Variants in HERC2 observed in about 807,000 individuals in gnomAD.
HERC2 encodes E3 ubiquitin-protein ligase HERC2.
A neutral mutation model predicts 537.7 loss-of-function variants in HERC2; 102 were observed. That is an observed-to-expected ratio of 0.19 (90% CI 0.16 to 0.22). The LOEUF (loss-of-function observed/expected upper bound fraction) is 0.22. Ranked by LOEUF, HERC2 falls within the 10% of genes least tolerant of loss-of-function variation. The pLI is 1.00. For missense variants in HERC2, 4,236 were observed against 6,198.2 expected, an observed-to-expected ratio of 0.68 and a Z score of 10.63; for synonymous variants, 2,224 against 2,466.2, an observed-to-expected ratio of 0.90 and a Z score of 2.91.
At position 28,268,730 on chromosome 15, in the gene HERC2, G is replaced by A; in HGVS notation, c.1447-114C>T. On this transcript the variant is annotated intron_variant, in intron 11 of 92. Coordinates refer to ENST00000261609, the MANE Select transcript of HERC2 (RefSeq NM_004667.6). The surrounding 1 kb of genome is among the most constrained non-coding windows in gnomAD (Gnocchi z 4.7). ...AAAGCCTGCTGTAACTCCAAGTGGG[G>A]CATAAGTCTCTGGGAACTACGGGGC... 1 of 873,730 alleles carries A rather than the reference G, an allele frequency of 1.1e-6. No individual in the cohort carries two copies. Among genetic ancestry groups the A allele is most frequent in the South Asian group, 1.7e-5 (1 of 59,768 alleles). 54.1% of individuals were successfully genotyped at this position (873,730 alleles called of 1,614,324 possible).
At chr15:28,310,466 TA>T (rs1270781697) in intron 2 of HERC2, among the ~76,000 whole-genome samples, 11 of 151,836 alleles carry the variant, frequency 7.2e-5, no homozygotes, top group Non-Finnish European at 1.2e-4. Context: ...AATTTAAATT[TA>T]AAAAATTAAA....
chr15:28,307,281 C>A (rs2076816298), intron 2 of HERC2, among the ~76,000 whole-genome samples: 1 of 152,230 alleles, frequency 6.6e-6, no homozygotes, highest in Non-Finnish European at 1.5e-5. Flanking sequence ...TCTTAGCCTG[C>A]CTGAAGGCTT....
intron 4 of HERC2, among the ~76,000 whole-genome samples, chr15:28,286,749 C>T (rs1259610409): frequency 2.6e-5 from 4 of 152,104 alleles, no homozygotes; most frequent in Admixed American, 6.5e-5. Context: ...GAGTTTACTC[C>T]CCTAAAAGAT....
intron 70 of HERC2, among the ~76,000 whole-genome samples, chr15:28,146,832 C>G (rs1466375172): frequency 1.4e-5 from 2 of 138,986 alleles, no homozygotes; most frequent in Non-Finnish European, 3.1e-5. Context: ...AGCAGAGGCA[C>G]AAGAGTTTTC....
chr15:28,184,602 C>T (rs1372973128), intron 56 of HERC2, among the ~76,000 whole-genome samples: 5 of 152,086 alleles, frequency 3.3e-5, no homozygotes, highest in Non-Finnish European at 5.9e-5. Flanking sequence ...TGGCTCACGC[C>T]TATAATCCCA....
At chr15:28,208,823 T>A (rs1898780689) in intron 44 of HERC2, among the ~76,000 whole-genome samples, 1 of 152,222 alleles carries the variant, frequency 6.6e-6, no homozygotes, top group South Asian at 2.1e-4. Flanking sequence ...CAGATGCCTG[T>A]GGAACCACTC....
Position 28,321,390 on chromosome 15 carries a change from T to C in HERC2, c.44A>G (p.Asp15Gly). Residue 15 changes from aspartate to glycine, a missense_variant, in exon 2 of 93, where the codon GAC (aspartate) becomes GGC (glycine). This residue lies in a region of HERC2 where 13 missense variants were observed against 43.1 expected (regional missense o/e 0.30). Coordinates refer to ENST00000261609, the MANE Select transcript of HERC2 (RefSeq NM_004667.6). ...SFCLAAQARL[D>G]SKWLKTDIQL... ...TATATCTGTTTTCAACCATTTGGAG[T>C]CGAGGCGAGCCTGGGCAGCCAAACA... 2.1e-6 allele frequency: 2 copies of C among 935,544 alleles called. No homozygotes were observed. The highest frequency in any genetic ancestry group is 3.4e-6 in the Non-Finnish European group (2 of 580,258). 58.0% of individuals were successfully genotyped at this position (935,544 alleles called of 1,614,324 possible).
In HERC2 at chr15:28,228,309, G is replaced by C; in HGVS notation, c.5373C>G (p.Ser1791Arg). 6.2e-7 allele frequency: 1 copy of C among 1,612,774 alleles called. No homozygotes were observed. The highest frequency in any genetic ancestry group is 2.2e-5 in the East Asian group (1 of 44,886). ...TTGCGCCGTGCTGCAGGGTGAGCAT[G>C]CTGAGCATCACCAGGAGGAAGCGGG... ...PQARFLLVML[S>R]MLTLQHGANN... is the part of the protein sequence containing the mutation. Residue 1791 changes from serine (S) to arginine (R), a missense_variant, in exon 35 of 93, where the codon AGC (serine) becomes AGG (arginine). Around this residue, in one of 27 missense-constraint regions of HERC2, gnomAD observed 343 missense variants for 417.2 expected, o/e 0.82. Coordinates refer to ENST00000261609, the MANE Select transcript of HERC2 (RefSeq NM_004667.6).
At chr15:28,208,950 C>T (rs1898797719) in intron 44 of HERC2, among the ~76,000 whole-genome samples, 4 of 152,186 alleles carry the variant, frequency 2.6e-5, no homozygotes, top group South Asian at 2.1e-4. Context: ...CCCGAAAAGA[C>T]TTAGCATAAT....
chr15:28,145,332 C>T (rs1052209870), intron 71 of HERC2, among the ~76,000 whole-genome samples: 1 of 152,214 alleles, frequency 6.6e-6, no homozygotes, highest in Non-Finnish European at 1.5e-5. Flanking sequence ...TGTACTACAC[C>T]TAAGATCTAC....
intron 68 of HERC2, among the ~76,000 whole-genome samples, chr15:28,166,525 C>T (rs954457734): frequency 6.6e-6 from 1 of 152,156 alleles, no homozygotes; most frequent in Non-Finnish European, 1.5e-5. Flanking sequence ...ATCTCGGTTT[C>T]CAAATCCTAC....
At chr15:28,140,933 CAAAATA>C (rs1335599172) in intron 78 of HERC2, among the ~76,000 whole-genome samples, 4 of 151,330 alleles carry the variant, frequency 2.6e-5, no homozygotes, top group Non-Finnish European at 5.9e-5. Context: ...GACGTATTTT[CAAAATA>C]AAAATAAAAA....
intron 92 of HERC2, 95 bp from the exon 93 acceptor site, chr15:28,112,130 T>G (rs867736842): frequency 2.4e-6 from 3 of 1,263,596 alleles, no homozygotes; most frequent in Middle Eastern, 2.3e-4. Flanking sequence ...AAAACCATAT[T>G]TTTTGCTAAG....
intron 70 of HERC2, among the ~76,000 whole-genome samples, chr15:28,146,595 G>A (rs1477363603): frequency 6.6e-6 from 1 of 151,862 alleles, no homozygotes; most frequent in Non-Finnish European, 1.5e-5. Context: ...CTCCCGGGCA[G>A]ACTTTCCTAC....
At chr15:28,180,434 A>G (rs991847257) in intron 57 of HERC2, among the ~76,000 whole-genome samples, 4 of 152,256 alleles carry the variant, frequency 2.6e-5, no homozygotes, top group Non-Finnish European at 5.9e-5. Flanking sequence ...GTATGGTTAC[A>G]TTAACCAAAG....
chr15:28,271,851 C>T (rs1324867902), intron 9 of HERC2, among the ~76,000 whole-genome samples: 1 of 152,200 alleles, frequency 6.6e-6, no homozygotes, highest in Non-Finnish European at 1.5e-5. Flanking sequence ...GTTGTCCACA[C>T]CTGTTAAGGC....
intron 3 of HERC2, among the ~76,000 whole-genome samples, chr15:28,294,938 T>C (rs1346616641): frequency 6.6e-6 from 1 of 151,944 alleles, no homozygotes; most frequent in African/African-American, 2.4e-5. Flanking sequence ...TTTTACTGGT[T>C]CCATGATACA....
chr15:28,184,626 C>G lies in HERC2; in HGVS notation c.8825+1951G>C, dbSNP rs542432881. Among the ~76,000 whole-genome samples, 3 of 152,142 alleles carry G rather than the reference C, an allele frequency of 2.0e-5. No individual in the cohort carries two copies. In the South Asian group the frequency reaches 6.2e-4, roughly 32 times the overall value. On this transcript the variant is annotated intron_variant, in intron 56 of 92. Coordinates refer to ENST00000261609, the MANE Select transcript of HERC2 (RefSeq NM_004667.6). ...CCTATAATCCCAGCACTTTGGGAGG[C>G]TGAGGCAGGCGGATTACGAGGTCAG...
chr15:28,125,197 A>C lies in HERC2; in HGVS notation c.12803-4T>G, dbSNP rs1354951467. On this transcript the variant is annotated splice_region_variant and splice_polypyrimidine_tract_variant and intron_variant, in intron 83 of 92. Transcript: ENST00000261609. The stretch of plus-strand genomic sequence containing the variant: ...TCGCCCCATGTATAAACCTCACCTG[A>C]ATGAAGTGAATTTAGAATCAGAACC... 6.2e-7 allele frequency: 1 copy of C among 1,600,028 alleles called. No homozygotes were observed. Among genetic ancestry groups the C allele is most frequent in the Non-Finnish European group, 8.6e-7 (1 of 1,167,914 alleles).
Sources: gnomAD v4.1 joint callset for allele counts (sites outside exome capture counted in the v4.1 genomes callset) on GRCh38, gnomAD v4.1.1 for gene constraint, gnomAD v4.1.1 regional missense constraint, Gnocchi (gnomAD v3.1) non-coding constraint, MANE v1.5 for transcripts, NCBI Gene and HGNC (gene_info 2026-07-23, HGNC 2026-07-21) for gene names.